The following MAGI2 variants were observed in gnomAD, a reference collection of about 807,000 sequenced individuals.
MAGI2 encodes the protein membrane-associated guanylate kinase, WW and PDZ domain-containing protein 2.
Under a neutral mutation model 133.3 loss-of-function variants are expected in MAGI2, and 35 were observed. That is an observed-to-expected ratio of 0.26 (90% confidence interval 0.20 to 0.35). The LOEUF (loss-of-function observed/expected upper bound fraction) is 0.35. Ranked by LOEUF, MAGI2 falls within the 10% of genes least tolerant of loss-of-function variation. The pLI is 1.00. For missense variants in MAGI2, 1,636 were observed against 1,863.4 expected, an observed-to-expected ratio of 0.88 and a Z score of 2.25; for synonymous variants, 729 against 710.6, an observed-to-expected ratio of 1.03 and a Z score of -0.41.
At chr7:78,748,614 G>A (rs560081088) in intron 2 of MAGI2, among the ~76,000 whole-genome samples, 4 of 152,102 alleles carry the variant, frequency 2.6e-5, no homozygotes, top group South Asian at 2.1e-4. Flanking sequence ...AAACCATTTC[G>A]GGTAGCTGGA....
At chr7:78,360,830 A>G (rs1342959874) in intron 7 of MAGI2, among the ~76,000 whole-genome samples, 4 of 152,194 alleles carry the variant, frequency 2.6e-5, no homozygotes, top group African/African-American at 9.6e-5. Flanking sequence ...TCACAAGGCC[A>G]TTCTCGAGTT....
intron 1 of MAGI2, among the ~76,000 whole-genome samples, chr7:79,065,339 GC>G (rs1286386627): frequency 2.0e-5 from 3 of 152,020 alleles, no homozygotes; most frequent in African/African-American, 7.2e-5. Flanking sequence ...ACTGAAAACT[GC>G]TAGAGGGCAG....
intron 1 of MAGI2, among the ~76,000 whole-genome samples, chr7:79,191,402 CTTTTTTTTTTTTTTTTTTTTTTTT>C (rs71095386): frequency 3.1e-4 from 7 of 22,344 alleles, no homozygotes; most frequent in Admixed American, 7.5e-4. Context: ...CTTTTTCTTT[CTTTTTTTTTTTTTTTTTTTTTTTT>C]TTTTTTTTTA....
intron 1 of MAGI2, among the ~76,000 whole-genome samples, chr7:79,315,327 T>G (rs1488009219): frequency 8.4e-4 from 29 of 34,402 alleles, no homozygotes; most frequent in African/African-American, 2.5e-3. Flanking sequence ...CCCAGTTAAT[T>G]TTTTTTTTTT....
At chr7:78,840,561 A>G (rs1792045143) in intron 2 of MAGI2, among the ~76,000 whole-genome samples, 1 of 152,022 alleles carries the variant, frequency 6.6e-6, no homozygotes, top group Non-Finnish European at 1.5e-5. Context: ...ATCTATTTAG[A>G]GAAATGTTTT....
intron 2 of MAGI2, among the ~76,000 whole-genome samples, chr7:78,772,079 A>G (rs1825638425): frequency 6.6e-6 from 1 of 152,184 alleles, no homozygotes; most frequent in Admixed American, 6.5e-5. Context: ...CTAGTATAGT[A>G]TTGAAGATAC....
intron 1 of MAGI2, chr7:79,353,879 C>G: frequency 5.2e-6 from 1 of 190,662 alleles, no homozygotes; most frequent in Non-Finnish European, 1.1e-5. Context: ...CATGTCCATT[C>G]ATAGTTCTGG....
chr7:78,688,411 G>GT (rs1816611889), intron 2 of MAGI2, among the ~76,000 whole-genome samples: 1 of 152,072 alleles, frequency 6.6e-6, no homozygotes, highest in Non-Finnish European at 1.5e-5. Flanking sequence ...GTTTCAATAT[G>GT]TTTAGTTCTG....
At chr7:79,211,369 C>T (rs186050528) in intron 1 of MAGI2, among the ~76,000 whole-genome samples, 14 of 152,060 alleles carry the variant, frequency 9.2e-5, no homozygotes, top group Non-Finnish European at 1.8e-4. Flanking sequence ...CCTGATCTCC[C>T]GGTTCAAGTG....
intron 2 of MAGI2, among the ~76,000 whole-genome samples, chr7:78,901,762 G>A (rs1797636148): frequency 6.6e-6 from 1 of 151,946 alleles, no homozygotes; most frequent in African/African-American, 2.4e-5. Flanking sequence ...TTGTTTTAAG[G>A]AAAAAGAATT....
chr7:79,109,172 G>A (rs1584948217), intron 1 of MAGI2, among the ~76,000 whole-genome samples: 1 of 152,306 alleles, frequency 6.6e-6, no homozygotes, highest in East Asian at 1.9e-4. Context: ...TGAAAATCTG[G>A]AAGCAGCTTT....
At chr7:78,246,616 A>T (rs1237658474) in intron 10 of MAGI2, among the ~76,000 whole-genome samples, 1 of 152,146 alleles carries the variant, frequency 6.6e-6, no homozygotes, top group Admixed American at 6.5e-5. Context: ...CCAGAGCCTA[A>T]GCAATTGCTG....
In MAGI2 at chr7:78,463,682, A is replaced by C. The variant is rs145596300; in HGVS notation, c.1045+26079T>G. Among the ~76,000 whole-genome samples, 423 of 152,284 alleles carry C rather than the reference A, an allele frequency of 2.8e-3. 2 individuals carry two copies. Among genetic ancestry groups the C allele is most frequent in the African/African-American group, 7.9e-3 (329 of 41,552 alleles). ...AAATGGAGGTGGTTTGATATGGAGA[A>C]AGTGATGAGCTAGAGAAATTGAAAG... On this transcript the variant is annotated intron_variant, in intron 6 of 21. Coordinates refer to ENST00000354212, the MANE Select transcript of MAGI2 (RefSeq NM_012301.4).
At chr7:79,163,361 A>T (rs1055876879) in intron 1 of MAGI2, among the ~76,000 whole-genome samples, 1 of 151,900 alleles carries the variant, frequency 6.6e-6, no homozygotes, top group Non-Finnish European at 1.5e-5. Context: ...TTTAGTAGAG[A>T]TGGGGTTTCA....
chr7:79,160,549 T>C (rs950322027), intron 1 of MAGI2, among the ~76,000 whole-genome samples: 1 of 152,062 alleles, frequency 6.6e-6, no homozygotes, highest in Non-Finnish European at 1.5e-5. Flanking sequence ...AAATTCTCAA[T>C]TTTAAATGCT....
intron 2 of MAGI2, among the ~76,000 whole-genome samples, chr7:78,702,654 T>C (rs1387398779): frequency 6.6e-6 from 1 of 152,036 alleles, no homozygotes; most frequent in East Asian, 1.9e-4. Context: ...TTCTTTCTTC[T>C]TTCCAGACAA....
chr7:78,954,075 T>A (rs73703736), intron 2 of MAGI2, among the ~76,000 whole-genome samples: 2,143 of 152,222 alleles, frequency 0.014, 56 homozygotes, highest in African/African-American at 0.049. Flanking sequence ...TGTTGAATTT[T>A]CATTTCAGTT....
At chr7:78,747,476 A>G (rs1223781457) in intron 2 of MAGI2, among the ~76,000 whole-genome samples, 2 of 152,106 alleles carry the variant, frequency 1.3e-5, no homozygotes, top group African/African-American at 4.8e-5. Flanking sequence ...TTAGAAACAG[A>G]ATCCATTAAC....
intron 1 of MAGI2, among the ~76,000 whole-genome samples, chr7:79,297,050 T>G (rs565626116): frequency 6.6e-6 from 1 of 152,258 alleles, no homozygotes; most frequent in Admixed American, 6.5e-5. Flanking sequence ...AAAATAACCC[T>G]TAAGTATTTC....
Sources: allele counts gnomAD v4.1 joint callset (sites outside exome capture counted in the v4.1 genomes callset), GRCh38; gene constraint gnomAD v4.1.1; transcripts MANE v1.5; gene names NCBI Gene and HGNC (gene_info 2026-07-23, HGNC 2026-07-21).